TEX11: variants seen among roughly 807,000 people sequenced by gnomAD.
TEX11 encodes the protein testis-expressed protein 11.
Under a neutral mutation model 84.4 loss-of-function variants are expected in TEX11, and 7 were observed. The ratio of observed to expected loss-of-function variants is 0.08; its 90% CI spans 0.05 to 0.16. The LOEUF is 0.16. Ranked by LOEUF, TEX11 falls within the 10% of genes least tolerant of loss-of-function variation. The pLI, the probability that TEX11 is intolerant of heterozygous loss-of-function variation, is 1.00. For synonymous variants in TEX11, 264 were observed against 222.8 expected (o/e 1.18, Z -1.64); for missense variants, 551 against 660.5 (o/e 0.83, Z 1.82).
At chrX:70,779,595 T>C (rs1302422195) in intron 9 of TEX11, among the ~76,000 whole-genome samples, 3 of 109,786 alleles carry the variant, frequency 2.7e-5, no homozygotes, top group Non-Finnish European at 5.7e-5. Context: ...AAAAATACAA[T>C]AGATCAACGA....
intron 24 of TEX11, among the ~76,000 whole-genome samples, chrX:70,598,173 T>A (rs978425718): frequency 8.9e-6 from 1 of 112,122 alleles, no homozygotes; most frequent in African/African-American, 3.2e-5. Context: ...AGAACAAGAC[T>A]CCATCTCTAA....
At chrX:70,859,599 A>AG (rs2147857543) in intron 5 of TEX11, among the ~76,000 whole-genome samples, 1 of 103,965 alleles carries the variant, frequency 9.6e-6, no homozygotes, top group Non-Finnish European at 1.9e-5. Flanking sequence ...AAAAAAAAAA[A>AG]AAGAGAGAAC....
intron 2 of TEX11, 132 bp downstream of exon 2, chrX:70,907,621 T>A: frequency 4.2e-6 from 2 of 472,542 alleles, no homozygotes; most frequent in Non-Finnish European, 7.5e-6. Context: ...CTCGAGCCCC[T>A]GACCTCGTGA....
intron 7 of TEX11, among the ~76,000 whole-genome samples, chrX:70,836,109 CAA>C (rs35496948): frequency 0.23 from 16,615 of 73,768 alleles, 1,259 homozygotes; most frequent in Middle Eastern, 0.31. Flanking sequence ...GACTCTGTCT[CAA>C]AAAAAAAAAA....
intron 11 of TEX11, among the ~76,000 whole-genome samples, chrX:70,732,869 G>A (rs1185405458): frequency 8.9e-6 from 1 of 111,887 alleles, no homozygotes; most frequent in Non-Finnish European, 1.9e-5. Context: ...AAAGAACAAA[G>A]CTGGAAGCAT....
At chrX:70,551,755 T>A (rs2088218033) in intron 28 of TEX11, among the ~76,000 whole-genome samples, 1 of 111,709 alleles carries the variant, frequency 9.0e-6, no homozygotes, top group African/African-American at 3.3e-5. Context: ...TCTTCAATGT[T>A]CCTTCTACTC....
chrX:70,591,973 T>G lies in TEX11; in HGVS notation c.2068-150A>C, dbSNP rs1603113932. 4 of 404,924 alleles carry G rather than the reference T, an allele frequency of 9.9e-6. No homozygotes were observed. The East Asian group carries it at 1.2e-4, about 12-fold the overall frequency. The allele number at this position is 404,924 out of a possible 1,213,427, so 33.4% of individuals were successfully genotyped here. A position where few individuals can be genotyped will look rare whatever the true frequency, so the allele number is the denominator to read the frequency against. ...TAAACTGAACATTTTGGAGTTTATATAGAAATATTAGCCTCTATTTGCACA... is the reference window on the plus strand; with the variant it reads ...TAAACTGAACATTTTGGAGTTTATAGAGAAATATTAGCCTCTATTTGCACA... On this transcript the variant is annotated intron_variant, in intron 24 of 29. Coordinates refer to ENST00000374333, the MANE Select transcript of TEX11 (RefSeq NM_031276.3).
In TEX11 at chrX:70,563,965, A is replaced by T. The variant is rs186576117; in HGVS notation, c.2141-9165T>A. 4.5e-5 allele frequency among the ~76,000 whole-genome samples: 5 copies of T among 112,354 alleles called. No individual in the cohort carries two copies. The East Asian group carries it at 1.4e-3, about 31-fold the overall frequency. ...GGCCTGATGCCGGGTGTGGTGGTCC[A>T]CGCCTGTAATCCCAGCACTTTGGGA... On this transcript the variant is annotated intron_variant, in intron 25 of 29. Transcript: ENST00000374333.
At chrX:70,527,564 T>C (rs150347557), downstream of TEX11, among the ~76,000 whole-genome samples, 2 of 112,226 alleles carry the variant, frequency 1.8e-5, no homozygotes, top group African/African-American at 6.5e-5. Context: ...GGTAGAAGCA[T>C]GACAACTAAA....
chrX:70,797,684 TG>T (rs1465635131), intron 9 of TEX11, among the ~76,000 whole-genome samples: 1 of 105,719 alleles, frequency 9.5e-6, no homozygotes, highest in African/African-American at 3.5e-5. Context: ...GATATGAGGG[TG>T]GGGGTGGTTC....
intron 5 of TEX11, among the ~76,000 whole-genome samples, chrX:70,857,011 A>T (rs1426760195): frequency 2.7e-5 from 3 of 111,407 alleles, no homozygotes; most frequent in Non-Finnish European, 5.6e-5. Flanking sequence ...GTTAGGTTTT[A>T]TCAGGTGTGG....
intron 14 of TEX11, among the ~76,000 whole-genome samples, chrX:70,679,978 C>T (rs1307128194): frequency 1.0e-5 from 1 of 95,791 alleles, no homozygotes; most frequent in Non-Finnish European, 2.2e-5. Context: ...GCCCCCCGCC[C>T]GGCCAGCCGC....
chrX:70,757,841 G>A, intron 9 of TEX11, among the ~76,000 whole-genome samples: 1 of 111,500 alleles, frequency 9.0e-6, no homozygotes, highest in East Asian at 2.8e-4. Context: ...TGGATAAAGA[G>A]TCAAGACCCA....
chrX:70,738,299 CAG>C lies in TEX11; in HGVS notation c.843+2400_843+2401del, dbSNP rs763013485. On this transcript the variant is annotated intron_variant, in intron 11 of 29. Transcript: ENST00000374333. ...TCAAAAAGTGGGCAAAGGATATAAA[CAG>C]ACACTTCTCAAAAGAAGACATTTAT... 2.1e-4 allele frequency among the ~76,000 whole-genome samples: 23 copies of C among 111,834 alleles called. 1 individual carries two copies. The highest frequency in any genetic ancestry group is 1.7e-3 in the Admixed American group (18 of 10,586).
At chrX:70,777,209 A>C (rs2091007768) in intron 9 of TEX11, among the ~76,000 whole-genome samples, 1 of 110,583 alleles carries the variant, frequency 9.0e-6, no homozygotes, top group African/African-American at 3.3e-5. Flanking sequence ...TCAAAGAAAA[A>C]AGTATTTAAA....
intron 17 of TEX11, among the ~76,000 whole-genome samples, chrX:70,648,411 TAATAA>T (rs1431037139): frequency 9.1e-6 from 1 of 109,911 alleles, no homozygotes; most frequent in Non-Finnish European, 1.9e-5. Context: ...TAAAGTATAA[TAATAA>T]AATAAATAAA....
At chrX:70,596,843 A>T (rs2089013365) in intron 24 of TEX11, among the ~76,000 whole-genome samples, 1 of 111,255 alleles carries the variant, frequency 9.0e-6, no homozygotes, top group Non-Finnish European at 1.9e-5. Context: ...GTTCTCGAAA[A>T]GAACAACAAA....
At chrX:70,655,654 C>A (rs1266893579) in intron 16 of TEX11, among the ~76,000 whole-genome samples, 2 of 110,323 alleles carry the variant, frequency 1.8e-5, no homozygotes, top group East Asian at 5.7e-4. Context: ...AAAAAGTGAC[C>A]ATTTACCTAA....
chrX:70,608,728 G>A (rs1296341551), intron 22 of TEX11, among the ~76,000 whole-genome samples: 3 of 86,493 alleles, frequency 3.5e-5, no homozygotes, highest in African/African-American at 4.5e-5. Flanking sequence ...GCGACAGAGC[G>A]AGACTCCATC....
Sources: gnomAD v4.1 joint callset for allele counts (sites outside exome capture counted in the v4.1 genomes callset) on GRCh38, gnomAD v4.1.1 for gene constraint, MANE v1.5 for transcripts, NCBI Gene and HGNC (gene_info 2026-07-23, HGNC 2026-07-21) for gene names.